Variants in CDKAL1 observed in about 807,000 individuals in gnomAD.
The protein encoded by CDKAL1 is threonylcarbamoyladenosine tRNA methylthiotransferase.
A neutral mutation model predicts 68.2 loss-of-function variants in CDKAL1; 32 were observed. That is an observed-to-expected ratio of 0.47 (90% CI 0.35 to 0.63). The LOEUF is 0.63. Among genes scored for constraint, CDKAL1 ranks in the 30% least tolerant of loss-of-function variants. The pLI, the probability that CDKAL1 is intolerant of heterozygous loss-of-function variation, is 0.00. For synonymous variants in CDKAL1, 234 were observed against 244.3 expected, an observed-to-expected ratio of 0.96 and a Z score of 0.39; for missense variants, 606 against 696.7, an observed-to-expected ratio of 0.87 and a Z score of 1.47.
chr6:20,742,536 A>G (rs1465063951), intron 6 of CDKAL1, among the ~76,000 whole-genome samples: 2 of 151,986 alleles, frequency 1.3e-5, no homozygotes, highest in Non-Finnish European at 2.9e-5. Context: ...ATGTTCTTTC[A>G]TGAGTTTTTT....
intron 13 of CDKAL1, among the ~76,000 whole-genome samples, chr6:21,172,206 C>G (rs1028894391): frequency 6.6e-6 from 1 of 152,142 alleles, no homozygotes; most frequent in Non-Finnish European, 1.5e-5. Flanking sequence ...AGGAAAGTCA[C>G]TTGGTCAAAG....
intron 10 of CDKAL1, among the ~76,000 whole-genome samples, chr6:20,976,434 T>C (rs1424016975): frequency 2.6e-5 from 4 of 152,212 alleles, no homozygotes; most frequent in Admixed American, 6.5e-5. Context: ...TCATTTATGA[T>C]GACTGGACCG....
At chr6:20,816,319 T>C (rs1581635526) in intron 8 of CDKAL1, among the ~76,000 whole-genome samples, 1 of 152,210 alleles carries the variant, frequency 6.6e-6, no homozygotes, top group East Asian at 1.9e-4. Context: ...GTTACTTTCC[T>C]TTCTGTTAAT....
intron 10 of CDKAL1, among the ~76,000 whole-genome samples, chr6:20,958,508 C>T (rs571849082): frequency 1.3e-5 from 2 of 152,292 alleles, no homozygotes; most frequent in Admixed American, 1.3e-4. Flanking sequence ...ATACCTTGTA[C>T]ATTTCCATTT....
chr6:21,149,449 A>G (rs1435919837), intron 13 of CDKAL1, among the ~76,000 whole-genome samples: 7 of 152,032 alleles, frequency 4.6e-5, no homozygotes, highest in Admixed American at 1.3e-4. Flanking sequence ...CCTGGCCCCA[A>G]AAAACATTCT....
In CDKAL1 at chr6:20,986,357, CCTT is replaced by C. The variant is rs573917305; in HGVS notation, c.910-13866_910-13864del. On this transcript the variant is annotated intron_variant, in intron 10 of 15. Coordinates refer to ENST00000274695, the MANE Select transcript of CDKAL1 (RefSeq NM_017774.3). ...CAAGATGATAGCAAGAGTAATGAAT[CCTT>C]CTTTTAATAATGGTTGTTTTCAGCA... 9.7e-4 allele frequency among the ~76,000 whole-genome samples: 148 copies of C among 152,098 alleles called. 1 individual carries two copies. Among genetic ancestry groups the C allele is most frequent in the African/African-American group, 3.6e-3 (148 of 41,484 alleles).
chr6:20,584,624 T>C (rs1765269693), intron 4 of CDKAL1, among the ~76,000 whole-genome samples: 1 of 152,218 alleles, frequency 6.6e-6, no homozygotes, highest in Non-Finnish European at 1.5e-5. Context: ...AGGCTTAAGC[T>C]GAGGTCCCTG....
chr6:20,840,079 A>G (rs1297583162), intron 8 of CDKAL1, among the ~76,000 whole-genome samples: 3 of 152,200 alleles, frequency 2.0e-5, no homozygotes, highest in African/African-American at 7.2e-5. Flanking sequence ...TTCAAATGCA[A>G]TTGGAAGGAT....
At chr6:20,789,325 G>A (rs1266609670) in intron 8 of CDKAL1, among the ~76,000 whole-genome samples, 1 of 152,148 alleles carries the variant, frequency 6.6e-6, no homozygotes, top group Non-Finnish European at 1.5e-5. Flanking sequence ...ACTTGGGAAA[G>A]ATCATTCATA....
At chr6:21,012,842 C>A (rs183467695) in intron 11 of CDKAL1, among the ~76,000 whole-genome samples, 2 of 152,262 alleles carry the variant, frequency 1.3e-5, no homozygotes, top group Admixed American at 1.3e-4. Context: ...GCATGAGCCC[C>A]GGCAATTGCT....
intron 13 of CDKAL1, among the ~76,000 whole-genome samples, chr6:21,171,502 T>C (rs1777387510): frequency 6.6e-6 from 1 of 152,126 alleles, no homozygotes; most frequent in Non-Finnish European, 1.5e-5. Flanking sequence ...TGAGCCACCC[T>C]GCCCAGCCAG....
intron 9 of CDKAL1, among the ~76,000 whole-genome samples, chr6:20,893,241 C>A (rs1369950071): frequency 2.0e-5 from 3 of 152,138 alleles, no homozygotes; most frequent in Non-Finnish European, 4.4e-5. Flanking sequence ...GTTAGATAAT[C>A]ATGATTCATT....
At chr6:20,919,571 T>A (rs1446923491) in intron 9 of CDKAL1, among the ~76,000 whole-genome samples, 1 of 152,152 alleles carries the variant, frequency 6.6e-6, no homozygotes, top group African/African-American at 2.4e-5. Context: ...ATGCGGTGTT[T>A]GGTTTTCTGT....
intron 5 of CDKAL1, among the ~76,000 whole-genome samples, chr6:20,735,489 A>G (rs975109824): frequency 6.6e-6 from 1 of 152,048 alleles, no homozygotes; most frequent in African/African-American, 2.4e-5. Flanking sequence ...GCATGAGGGA[A>G]ACGACTCCTA....
chr6:20,548,798 T>A (rs1763705468), intron 4 of CDKAL1, 93 bp downstream of exon 4: 1 of 598,030 alleles, frequency 1.7e-6, no homozygotes, highest in African/African-American at 1.9e-5. Flanking sequence ...TATTTTAGCA[T>A]GACAGTGATT....
chr6:21,060,302 C>T (rs1771075333), intron 11 of CDKAL1, among the ~76,000 whole-genome samples: 1 of 151,956 alleles, frequency 6.6e-6, no homozygotes, highest in Non-Finnish European at 1.5e-5. Context: ...AAGAATTTGC[C>T]CATTTTATCT....
chr6:20,884,631 G>A (rs925318434), intron 9 of CDKAL1, among the ~76,000 whole-genome samples: 9 of 152,140 alleles, frequency 5.9e-5, no homozygotes, highest in African/African-American at 2.2e-4. Flanking sequence ...AAAACTACTA[G>A]AACTATGAAA....
chr6:20,944,058 T>C (rs1581883751), intron 9 of CDKAL1, among the ~76,000 whole-genome samples: 1 of 152,232 alleles, frequency 6.6e-6, no homozygotes, highest in Non-Finnish European at 1.5e-5. Context: ...TTTAATCCTA[T>C]CAATTATAAC....
chr6:21,108,638 A>G (rs1485519658), intron 13 of CDKAL1, among the ~76,000 whole-genome samples, 175 bp downstream of exon 13: 3 of 152,206 alleles, frequency 2.0e-5, no homozygotes, highest in Non-Finnish European at 4.4e-5. Context: ...ATATTTCTGA[A>G]CTATAATAAT....
Sources: gnomAD v4.1 joint callset for allele counts (sites outside exome capture counted in the v4.1 genomes callset) on GRCh38, gnomAD v4.1.1 for gene constraint, MANE v1.5 for transcripts, NCBI Gene and HGNC (gene_info 2026-07-23, HGNC 2026-07-21) for gene names.